Variants in BRCA2 observed in about 807,000 individuals in gnomAD.
The protein encoded by BRCA2 is breast cancer type 2 susceptibility protein.
A neutral mutation model predicts 276.7 loss-of-function variants in BRCA2; 203 were observed. The observed-to-expected ratio is 0.73, with a 90% CI of 0.65 to 0.82. The LOEUF is 0.82. BRCA2 is among the 40% of genes least tolerant of loss of function. The probability of loss-of-function intolerance (pLI) is 0.00; values close to 1 mark genes in which losing one functional copy is unlikely to be tolerated. For missense variants in BRCA2, 3,920 were observed against 3,915.0 expected, an observed-to-expected ratio of 1.00 and a Z score of -0.03; for synonymous variants, 1,289 against 1,338.4, an observed-to-expected ratio of 0.96 and a Z score of 0.81.
chr13:32,363,394 A>G lies in BRCA2; in HGVS notation c.8192A>G (p.Gln2731Arg), dbSNP rs753837544. The part of the protein sequence containing the change: ...LTDGWYAVKA[Q>R]LDPPLLAVLK... The stretch of plus-strand genomic sequence containing the variant: ...GATGGGTGGTATGCTGTTAAGGCCC[A>G]GTTAGATCCTCCCCTCTTAGCTGTC... Residue 2731 changes from glutamine (Q) to arginine (R), a missense_variant, in exon 18 of 27, where the codon CAG becomes CGG. By Grantham distance (43) the Gln-to-Arg change is conservative. Around this residue, in one of 2 missense-constraint regions of BRCA2, gnomAD observed 3,263 missense variants for 3,156.9 expected, o/e 1.03. Coordinates refer to ENST00000380152, the MANE Select transcript of BRCA2 (RefSeq NM_000059.4). 17 of 1,614,208 alleles carry G rather than the reference A, an allele frequency of 1.1e-5. No individual in the cohort carries two copies. The highest frequency in any genetic ancestry group is 1.4e-5 in the Non-Finnish European group (16 of 1,180,030).
chr13:32,362,362 A>G (rs1248369026), intron 16 of BRCA2, among the ~76,000 whole-genome samples, 161 bp from the exon 17 acceptor site: 1 of 152,214 alleles, frequency 6.6e-6, no homozygotes, highest in African/African-American at 2.4e-5. Context: ...ACTTTGATAC[A>G]TGTCAAATAA....
At position 32,362,121 on chromosome 13, in the gene BRCA2, C is replaced by T. The variant is rs918189660; in HGVS notation, c.7806-402C>T. On this transcript the variant is annotated intron_variant, in intron 16 of 26. Transcript: ENST00000380152. ...CACTGCAGCCTCAACCTCCTGGGCT[C>T]AAGCAATCCTCCCACCACAGCCTCC... Among the ~76,000 whole-genome samples, 4 of 152,122 alleles carry T rather than the reference C, an allele frequency of 2.6e-5. No homozygotes were observed. The South Asian group carries it at 8.3e-4, about 32-fold the overall frequency.
chr13:32,344,651 A>G lies in BRCA2; in HGVS notation c.6935A>G (p.Asp2312Gly), dbSNP rs80358916. 6.4e-7 allele frequency: 1 copy of G among 1,558,380 alleles called. No individual in the cohort carries two copies. Among genetic ancestry groups the G allele is most frequent in the Admixed American group, 1.7e-5 (1 of 59,820 alleles). Residue 2312 changes from aspartate (D) to glycine (G), a missense_variant and splice_region_variant, in exon 12 of 27, where the codon GAT becomes GGT. Transcript: ENST00000380152. ...KSLKASKSTP[D>G]GTIKDRRLFM... ...TTAAAGGCTTCAAAAAGCACTCCAG[A>G]TGGTAAAATTAGCTTTTTATTTATA...
At chr13:32,359,236 A>G (rs2072722726) in intron 16 of BRCA2, among the ~76,000 whole-genome samples, 1 of 151,524 alleles carries the variant, frequency 6.6e-6, no homozygotes, top group South Asian at 2.1e-4. Flanking sequence ...AAAAAAAAAA[A>G]AAAAAAAGAA....
At chr13:32,330,329 C>T (rs2072379542) in intron 8 of BRCA2, among the ~76,000 whole-genome samples, 1 of 152,218 alleles carries the variant, frequency 6.6e-6, no homozygotes, top group African/African-American at 2.4e-5. Flanking sequence ...TTCACAATCT[C>T]ACAGATAGAT....
chr13:32,353,887 G>A (rs995558838), intron 13 of BRCA2, among the ~76,000 whole-genome samples: 1 of 152,190 alleles, frequency 6.6e-6, no homozygotes, highest in African/African-American at 2.4e-5. Context: ...TCAAGGTACA[G>A]ATGTCTGATG....
At position 32,338,858 on chromosome 13, in the gene BRCA2, T is replaced by C. The variant is rs752976575; in HGVS notation, c.4503T>C (p.Asn1501=). ...LKESVPVGTG[N]QLVTFQGQPE... is the part of the protein sequence containing the mutation. Reference sequence around the variant, plus strand: ...AAAGTGTCCCAGTTGGTACTGGAAATCAACTAGTGACCTTCCAGGGACAAC... The same window carrying C: ...AAAGTGTCCCAGTTGGTACTGGAAACCAACTAGTGACCTTCCAGGGACAAC... Residue 1501 remains asparagine (N), a synonymous_variant, in exon 11 of 27, where the codon AAT becomes AAC. Transcript: ENST00000380152. 6.2e-7 allele frequency: 1 copy of C among 1,613,768 alleles called. No homozygotes were observed. The highest frequency in any genetic ancestry group is 8.5e-7 in the Non-Finnish European group (1 of 1,179,776).
In BRCA2 at chr13:32,342,915, G is replaced by A. The variant is rs562665256; in HGVS notation, c.6842-1643G>A. ...ATAAAAATTAGCTGGGCATGGTGGT[G>A]GCACACGCCTGTAATCCCAGCTACT... On this transcript the variant is annotated intron_variant, in intron 11 of 26. Transcript: ENST00000380152. Among the ~76,000 whole-genome samples, 14 of 152,230 alleles carry A rather than the reference G, an allele frequency of 9.2e-5. No homozygotes were observed. The East Asian group carries it at 2.7e-3, about 29-fold the overall frequency.
At chr13:32,391,004 A>C (rs1354742771) in intron 24 of BRCA2, among the ~76,000 whole-genome samples, 2 of 152,194 alleles carry the variant, frequency 1.3e-5, no homozygotes, top group Non-Finnish European at 2.9e-5. Context: ...TTGAACTTAT[A>C]CTTTCAGGCC....
chr13:32,344,120 A>G (rs1318330352), intron 11 of BRCA2, among the ~76,000 whole-genome samples: 1 of 151,416 alleles, frequency 6.6e-6, no homozygotes, highest in Non-Finnish European at 1.5e-5. Context: ...TAATTCAAGG[A>G]CCTACATAAT....
At position 32,340,266 on chromosome 13, in the gene BRCA2, TC is replaced by T. The variant is rs1555284458; in HGVS notation, c.5912del (p.Ser1971LeufsTer33). 1 of 1,614,048 alleles carries T rather than the reference TC, an allele frequency of 6.2e-7. No homozygotes were observed. Among genetic ancestry groups the T allele is most frequent in the African/African-American group, 1.3e-5 (1 of 75,054 alleles). On this transcript the variant is annotated frameshift_variant, in exon 11 of 27. Transcript: ENST00000380152. LOFTEE classifies it high-confidence loss of function. ...SIGKLHKSVS[S>X]ANTCGIFSTA... ...AGGGAAGCTTCATAAGTCAGTCTCA[TC>T]TGCAAATACTTGTGGGATTTTTAGC... is the stretch of plus-strand genomic sequence containing the variant.
chr13:32,368,810 GTT>G (rs796341976), intron 18 of BRCA2, among the ~76,000 whole-genome samples: 1 of 138,896 alleles, frequency 7.2e-6, no homozygotes, highest in African/African-American at 2.6e-5. Context: ...TTTTTTTTTG[GTT>G]TTTTTTGTTT....
chr13:32,377,873 G>A (rs572739369), intron 21 of BRCA2, among the ~76,000 whole-genome samples: 2 of 152,190 alleles, frequency 1.3e-5, no homozygotes, highest in East Asian at 3.9e-4. Context: ...TGTGAATATA[G>A]CCTTAAATTT....
rs864622172 is a variant in BRCA2 at position 32,336,351 on chromosome 13, A to G, written c.1996A>G (p.Ile666Val). ...GTCCTTAACTAGCTCTTTTGGGACA[A>G]TTCTGAGGAAATGTTCTAGAAATGA... ...TLSLTSSFGT[I>V]LRKCSRNETC... The change falls in exon 11 of 27, where the codon ATT becomes GTT. Residue 666 changes from isoleucine (I) to valine (V), a missense_variant. By Grantham distance (29) the Ile-to-Val change is conservative. This residue lies in a region of BRCA2 where 3,263 missense variants were observed against 3,156.9 expected (regional missense o/e 1.03). Transcript: ENST00000380152. The G allele has an allele frequency of 1.2e-6, 2 of 1,609,326 alleles. No individual in the cohort carries two copies. Among genetic ancestry groups the G allele is most frequent in the South Asian group, 2.2e-5 (2 of 90,146 alleles).
Position 32,379,309 on chromosome 13 carries a change from G to A in BRCA2, c.8755-8G>A, listed in dbSNP as rs764986193. 6.2e-7 allele frequency: 1 copy of A among 1,613,032 alleles called. No homozygotes were observed. Among genetic ancestry groups the A allele is most frequent in the South Asian group, 1.1e-5 (1 of 90,912 alleles). ...TGCTTTTTATTCCAATATCTTAAATGGTCACAGGGTTATTTCAGTGAAGAG... is the reference window on the plus strand; with the variant it reads ...TGCTTTTTATTCCAATATCTTAAATAGTCACAGGGTTATTTCAGTGAAGAG... On this transcript the variant is annotated splice_region_variant and splice_polypyrimidine_tract_variant and intron_variant, in intron 21 of 26. Transcript: ENST00000380152.
Position 32,349,831 on chromosome 13 carries a change from A to AAGC in BRCA2, c.7007+2946_7007+2948dup, listed in dbSNP as rs1323972155. ...CCCCACATCAAAAAAAAAAAAAAAA[A>AAGC]AGCAGCAGCAGCAATACTCATGAAG... is the stretch of plus-strand genomic sequence containing the variant. On this transcript the variant is annotated intron_variant, in intron 13 of 26. Transcript: ENST00000380152. Among the ~76,000 whole-genome samples, 156 of 150,668 alleles carry AAGC rather than the reference A, an allele frequency of 1.0e-3. 1 individual carries two copies. The highest frequency in any genetic ancestry group is 3.6e-3 in the African/African-American group (146 of 40,978).
chr13:32,330,204 G>A (rs1178926748), intron 8 of BRCA2, among the ~76,000 whole-genome samples: 1 of 152,152 alleles, frequency 6.6e-6, no homozygotes. Flanking sequence ...AAAACAACCT[G>A]TTCATGTTTT....
chr13:32,365,314 T>C (rs1394489450), intron 18 of BRCA2, among the ~76,000 whole-genome samples: 1 of 151,892 alleles, frequency 6.6e-6, no homozygotes, highest in Non-Finnish European at 1.5e-5. Flanking sequence ...CGGTGCTGTT[T>C]TTATCTTCAG....
rs750264715 is a variant in BRCA2 at position 32,355,103 on chromosome 13, A to G, written c.7250A>G (p.His2417Arg). Residue 2417 changes from histidine to arginine, a missense_variant, in exon 14 of 27, where the codon CAC becomes CGC. Transcript: ENST00000380152. ...VPPFKTKSHF[H>R]RVEQCVRNIN... is the part of the protein sequence containing the mutation. Reference sequence around the variant, plus strand: ...CCTTTTAAAACTAAATCACATTTTCACAGAGTTGAACAGTGTGTTAGGAAT... The same window carrying G: ...CCTTTTAAAACTAAATCACATTTTCGCAGAGTTGAACAGTGTGTTAGGAAT... 1.2e-6 allele frequency: 2 copies of G among 1,613,692 alleles called. No homozygotes were observed. Among genetic ancestry groups the G allele is most frequent in the South Asian group, 1.1e-5 (1 of 91,070 alleles).
Sources: gnomAD v4.1 joint callset for allele counts (sites outside exome capture counted in the v4.1 genomes callset) on GRCh38, gnomAD v4.1.1 for gene constraint, gnomAD v4.1.1 regional missense constraint, MANE v1.5 for transcripts, NCBI Gene and HGNC (gene_info 2026-07-23, HGNC 2026-07-21) for gene names.